The following CADPS variants were observed in gnomAD, a reference collection of about 807,000 sequenced individuals.
CADPS encodes calcium dependent secretion activator.
CADPS carries 57 observed loss-of-function variants against 167.3 expected under a neutral mutation model. The ratio of observed to expected loss-of-function variants is 0.34; its 90% confidence interval spans 0.28 to 0.42. The LOEUF is 0.42. CADPS is among the 20% of genes least tolerant of loss of function. The pLI, the probability that CADPS is intolerant of heterozygous loss-of-function variation, is 1.00. For synonymous variants in CADPS, 676 were observed against 635.3 expected, an observed-to-expected ratio of 1.06 and a Z score of -0.96; for missense variants, 1,414 against 1,738.1, an observed-to-expected ratio of 0.81 and a Z score of 3.32.
intron 1 of CADPS, among the ~76,000 whole-genome samples, chr3:62,867,786 A>C (rs2081973361): frequency 6.8e-6 from 1 of 148,008 alleles, no homozygotes; most frequent in African/African-American, 2.5e-5. Flanking sequence ...GCACTTACAC[A>C]TTCCAGATAT....
chr3:62,473,643 T>A (rs558625368), intron 24 of CADPS: 1 of 152,212 alleles, frequency 6.6e-6, no homozygotes, highest in Admixed American at 6.5e-5. Context: ...TCAGGAAAGA[T>A]TCATGATCAA....
intron 3 of CADPS, among the ~76,000 whole-genome samples, chr3:62,748,202 C>T (rs2081922445): frequency 2.1e-5 from 3 of 145,440 alleles, no homozygotes; most frequent in East Asian, 2.0e-4. Flanking sequence ...AAAAATTAGC[C>T]GGGCATGGTG....
chr3:62,820,687 T>G (rs1479165950), intron 1 of CADPS, among the ~76,000 whole-genome samples: 1 of 152,208 alleles, frequency 6.6e-6, no homozygotes, highest in South Asian at 2.1e-4. Context: ...AGCTGGCACT[T>G]TTCAGCTTCA....
At chr3:62,871,952 G>A (rs1317510273) in intron 1 of CADPS, among the ~76,000 whole-genome samples, 1 of 152,122 alleles carries the variant, frequency 6.6e-6, no homozygotes, top group Non-Finnish European at 1.5e-5. Context: ...GCACATAGTA[G>A]ATACTTGAAA....
intron 1 of CADPS, among the ~76,000 whole-genome samples, chr3:62,809,468 T>C (rs142228126): frequency 6.6e-6 from 1 of 152,180 alleles, no homozygotes; most frequent in Non-Finnish European, 1.5e-5. Context: ...ACAGCAATCA[T>C]CCTTACATTT....
chr3:62,875,092 C>T lies in CADPS; in HGVS notation c.-63G>A. ...CTTGGAGTGCAAAAGGTGGGGGGCG[C>T]TGGAGGCAGCCGGGGATCAGCTCTC... is the stretch of plus-strand genomic sequence containing the variant. On this transcript the variant is annotated 5_prime_UTR_variant, in exon 1 of 30. Coordinates refer to ENST00000383710, the MANE Select transcript of CADPS (RefSeq NM_003716.4). The T allele has an allele frequency of 6.7e-7, 1 of 1,482,472 alleles. No homozygotes were observed. Among genetic ancestry groups the T allele is most frequent in the Non-Finnish European group, 9.0e-7 (1 of 1,107,746 alleles). 91.8% of individuals were successfully genotyped at this position (1,482,472 alleles called of 1,614,324 possible).
intron 6 of CADPS, among the ~76,000 whole-genome samples, chr3:62,604,974 T>C (rs2060491942): frequency 6.6e-6 from 1 of 152,230 alleles, no homozygotes; most frequent in South Asian, 2.1e-4. Context: ...GGTGTTTCCC[T>C]ATAATTACTT....
intron 17 of CADPS, among the ~76,000 whole-genome samples, chr3:62,503,032 C>G (rs1474053447): frequency 6.6e-6 from 1 of 151,880 alleles, no homozygotes; most frequent in African/African-American, 2.4e-5. Flanking sequence ...GACAAGGACT[C>G]TTACCAGTGT....
At chr3:62,590,691 C>T (rs1302395656) in intron 7 of CADPS, among the ~76,000 whole-genome samples, 1 of 151,898 alleles carries the variant, frequency 6.6e-6, no homozygotes, top group East Asian at 1.9e-4. Flanking sequence ...TTGCTGGCAT[C>T]GTTAGGTGTG....
chr3:62,663,249 A>G (rs2073707523), intron 3 of CADPS, among the ~76,000 whole-genome samples: 1 of 152,194 alleles, frequency 6.6e-6, no homozygotes. Flanking sequence ...ATGTAAGTAT[A>G]GATAATATAT....
At chr3:62,427,254 T>C (rs2052939515) in intron 28 of CADPS, among the ~76,000 whole-genome samples, 1 of 152,144 alleles carries the variant, frequency 6.6e-6, no homozygotes. Flanking sequence ...CTTTTTATTT[T>C]TTAGCTCCTA....
At chr3:62,487,337 G>C (rs1284197221) in intron 21 of CADPS, among the ~76,000 whole-genome samples, 1 of 152,200 alleles carries the variant, frequency 6.6e-6, no homozygotes. Flanking sequence ...ACACTGAAGA[G>C]CTGATGGAAA....
chr3:62,426,233 C>T (rs957659091), intron 28 of CADPS, among the ~76,000 whole-genome samples: 8 of 152,210 alleles, frequency 5.3e-5, no homozygotes, highest in Admixed American at 3.9e-4. Flanking sequence ...TTACTGCAAC[C>T]TCCACCTCCC....
At chr3:62,856,257 G>A (rs2153144409) in intron 1 of CADPS, among the ~76,000 whole-genome samples, 1 of 152,194 alleles carries the variant, frequency 6.6e-6, no homozygotes, top group East Asian at 1.9e-4. Context: ...ACTAGTAAAT[G>A]TTACAATTTA....
intron 24 of CADPS, among the ~76,000 whole-genome samples, chr3:62,467,021 A>G (rs1224880025): frequency 1.3e-5 from 2 of 152,190 alleles, no homozygotes; most frequent in Non-Finnish European, 2.9e-5. Flanking sequence ...CAGACCCAGT[A>G]TGAGAGCCTA....
intron 11 of CADPS, among the ~76,000 whole-genome samples, chr3:62,538,322 C>A (rs1470326884): frequency 6.6e-6 from 1 of 152,054 alleles, no homozygotes; most frequent in Non-Finnish European, 1.5e-5. Flanking sequence ...ACTCCTCTGG[C>A]CCAAGGCAAG....
At chr3:62,804,182 G>A (rs1240216752) in intron 1 of CADPS, among the ~76,000 whole-genome samples, 1 of 152,090 alleles carries the variant, frequency 6.6e-6, no homozygotes, top group Non-Finnish European at 1.5e-5. Context: ...GGACCATTAT[G>A]TCTGTACTGC....
In CADPS at chr3:62,479,974, T is replaced by C. The variant is rs544538227; in HGVS notation, c.3174-1558A>G. Among the ~76,000 whole-genome samples, 63 of 152,312 alleles carry C rather than the reference T, an allele frequency of 4.1e-4. 1 individual carries two copies. Among genetic ancestry groups the C allele is most frequent in the African/African-American group, 1.5e-3 (63 of 41,574 alleles). Reference sequence around the variant, plus strand: ...TGGTTGTATGTTTTAAATCATTAAGTACATATGAATGCAATAATTGGTATT... The same window carrying C: ...TGGTTGTATGTTTTAAATCATTAAGCACATATGAATGCAATAATTGGTATT... On this transcript the variant is annotated intron_variant, in intron 22 of 29. Coordinates refer to ENST00000383710, the MANE Select transcript of CADPS (RefSeq NM_003716.4).
At position 62,564,148 on chromosome 3, in the gene CADPS, C is replaced by G. The variant is rs145006996; in HGVS notation, c.1645-6635G>C. On this transcript the variant is annotated intron_variant, in intron 9 of 29. Transcript: ENST00000383710. ...TCCCAAGTAGCTGGGACTACAGGTGCCCGCCACCACGCTTGCCTAATTTTT... is the reference window on the plus strand; with the variant it reads ...TCCCAAGTAGCTGGGACTACAGGTGGCCGCCACCACGCTTGCCTAATTTTT... Among the ~76,000 whole-genome samples, 45 of 152,174 alleles carry G rather than the reference C, an allele frequency of 3.0e-4. No individual in the cohort carries two copies. In the East Asian group the frequency reaches 8.5e-3, roughly 29 times the overall value.
Sources: allele counts gnomAD v4.1 joint callset (sites outside exome capture counted in the v4.1 genomes callset), GRCh38; gene constraint gnomAD v4.1.1; transcripts MANE v1.5; gene names NCBI Gene and HGNC (gene_info 2026-07-23, HGNC 2026-07-21).